The following PTGER3 variants were observed in gnomAD, a reference collection of about 807,000 sequenced individuals.
The protein encoded by PTGER3 is prostaglandin E receptor 3.
Under a neutral mutation model 34.7 loss-of-function variants are expected in PTGER3, and 22 were observed. The ratio of observed to expected loss-of-function variants is 0.63; its 90% CI spans 0.45 to 0.91. The LOEUF (loss-of-function observed/expected upper bound fraction) is 0.91, where lower values mean the gene tolerates loss of function less well. Ranked by LOEUF, PTGER3 falls within the 40% of genes least tolerant of loss-of-function variation. PTGER3 has a pLI of 0.00. For missense variants in PTGER3, 468 were observed against 519.4 expected (o/e 0.90, Z 0.96); for synonymous variants, 241 against 230.1 (o/e 1.05, Z -0.43).
intron 1 of PTGER3, among the ~76,000 whole-genome samples, chr1:71,042,686 T>C (rs796255392): frequency 1.6e-4 from 24 of 152,322 alleles, no homozygotes; most frequent in African/African-American, 5.5e-4. Flanking sequence ...AACAACATTA[T>C]TTCTGAAAAT....
intron 1 of PTGER3, among the ~76,000 whole-genome samples, chr1:71,027,611 C>A (rs753652297): frequency 6.6e-6 from 1 of 152,180 alleles, no homozygotes; most frequent in South Asian, 2.1e-4. Flanking sequence ...TTGACATAGT[C>A]CCCCCGGTTA....
chr1:70,890,004 G>T (rs1257481279), intron 4 of PTGER3, among the ~76,000 whole-genome samples: 3 of 152,006 alleles, frequency 2.0e-5, no homozygotes, highest in Admixed American at 1.3e-4. Flanking sequence ...CATTAAACAT[G>T]CATAAACACT....
Position 71,005,299 on chromosome 1 carries a change from C to G in PTGER3, c.1077+7006G>C, listed in dbSNP as rs1656850872. Among the ~76,000 whole-genome samples, 2 of 152,188 alleles carry G rather than the reference C, an allele frequency of 1.3e-5. 1 individual carries two copies. The highest frequency in any genetic ancestry group is 2.9e-5 in the Non-Finnish European group (2 of 68,042). ...TAGAGCCACACTACCCACAGGACCA[C>G]TAAAGTTTAGTCCATTTGACAGATT... On this transcript the variant is annotated intron_variant, in intron 2 of 3. Transcript: ENST00000306666.
intron 4 of PTGER3, among the ~76,000 whole-genome samples, chr1:70,905,864 A>G (rs935375162): frequency 9.9e-5 from 15 of 152,150 alleles, no homozygotes; most frequent in Non-Finnish European, 2.2e-4. Context: ...GGGAGGGGCC[A>G]GGAGTGGAAT....
intron 4 of PTGER3, among the ~76,000 whole-genome samples, chr1:70,938,209 A>G (rs1649418147): frequency 1.3e-5 from 2 of 152,180 alleles, no homozygotes; most frequent in Admixed American, 1.3e-4. Flanking sequence ...GAGCATCAGA[A>G]GCTAATACAT....
At chr1:71,015,067 T>C (rs751824126) in intron 1 of PTGER3, among the ~76,000 whole-genome samples, 6 of 152,220 alleles carry the variant, frequency 3.9e-5, no homozygotes, top group Non-Finnish European at 7.3e-5. Flanking sequence ...TCCTCCCTCT[T>C]GGCCTTTATT....
At chr1:71,029,756 T>C (rs1304406543) in intron 1 of PTGER3, among the ~76,000 whole-genome samples, 1 of 151,870 alleles carries the variant, frequency 6.6e-6, no homozygotes, top group Non-Finnish European at 1.5e-5. Flanking sequence ...TGAAACCCCA[T>C]CTGTACTAAA....
At chr1:70,857,941 G>T (rs896173500) in intron 4 of PTGER3, among the ~76,000 whole-genome samples, 1 of 152,168 alleles carries the variant, frequency 6.6e-6, no homozygotes, top group East Asian at 1.9e-4. Flanking sequence ...CCAGTTTACT[G>T]GGAATAATTT....
intron 4 of PTGER3, among the ~76,000 whole-genome samples, chr1:70,913,392 TA>T (rs1647103076): frequency 6.6e-6 from 1 of 152,002 alleles, no homozygotes; most frequent in Non-Finnish European, 1.5e-5. Flanking sequence ...AGCAGGTTTT[TA>T]AAAATTCTTG....
intron 2 of PTGER3, among the ~76,000 whole-genome samples, chr1:70,962,331 C>G (rs1190172062): frequency 6.6e-6 from 1 of 152,108 alleles, no homozygotes; most frequent in Non-Finnish European, 1.5e-5. Context: ...AACAATCATC[C>G]TTAGTTTTGT....
chr1:70,975,911 C>T (rs1027306443), intron 2 of PTGER3, among the ~76,000 whole-genome samples: 3 of 152,060 alleles, frequency 2.0e-5, no homozygotes, highest in African/African-American at 2.4e-5. Context: ...TGCTAAAGAA[C>T]GATCTGGTTA....
At chr1:70,895,614 C>A (rs572012349) in intron 4 of PTGER3, among the ~76,000 whole-genome samples, 27 of 152,324 alleles carry the variant, frequency 1.8e-4, no homozygotes, top group South Asian at 4.2e-4. Flanking sequence ...ATGCCTGGCT[C>A]AGTCCCTGAT....
At chr1:71,034,421 T>C (rs1347195406) in intron 1 of PTGER3, among the ~76,000 whole-genome samples, 1 of 152,210 alleles carries the variant, frequency 6.6e-6, no homozygotes, top group African/African-American at 2.4e-5. Flanking sequence ...TTGCCATATT[T>C]ACCAAAGTAC....
At chr1:70,883,769 C>T (rs765176420) in intron 4 of PTGER3, among the ~76,000 whole-genome samples, 16 of 152,132 alleles carry the variant, frequency 1.1e-4, no homozygotes, top group African/African-American at 2.4e-4. Context: ...TATCATTAAA[C>T]GATCAGAACA....
rs1425302068 is a variant in PTGER3 at position 70,920,156 on chromosome 1, GGTGACAAGGTGAAATGAAGAATATGA to G, written c.*23+33581_*23+33606del. ...GTCACAAACTTTTCAGAAGAATATG[GGTGACAAGGTGAAATGAAGAATATGA>G]GTGACAAGGTGAAATGAATGTTCAA... On this transcript the variant is annotated intron_variant, in intron 4 of 4. Transcript: ENST00000370931. Among the ~76,000 whole-genome samples the G allele has an allele frequency of 3.3e-5, 5 of 152,226 alleles. No individual in the cohort carries two copies. In the East Asian group the frequency reaches 7.7e-4, roughly 24 times the overall value.
chr1:71,037,843 T>G (rs916048171), intron 1 of PTGER3, among the ~76,000 whole-genome samples: 1 of 152,236 alleles, frequency 6.6e-6, no homozygotes, highest in Non-Finnish European at 1.5e-5. Context: ...AACTTTCTTC[T>G]GTTCTTCTTA....
chr1:71,008,009 T>A lies in PTGER3; in HGVS notation c.1077+4296A>T, dbSNP rs1293232936. On this transcript the variant is annotated intron_variant, in intron 2 of 3. Transcript: ENST00000306666. Reference sequence around the variant, plus strand: ...AAAGCAGACTTACTACACAACAGATTCTGATCTGTTTCACATATTAGGCTA... The same window carrying A: ...AAAGCAGACTTACTACACAACAGATACTGATCTGTTTCACATATTAGGCTA... The A allele has an allele frequency of 4.1e-6, 4 of 985,030 alleles. No homozygotes were observed. The African/African-American group carries it at 7.0e-5, about 17-fold the overall frequency. 61.0% of individuals were successfully genotyped at this position (985,030 alleles called of 1,614,324 possible).
intron 2 of PTGER3, chr1:71,010,796 C>T: frequency 3.0e-6 from 3 of 985,038 alleles, no homozygotes; most frequent in Non-Finnish European, 3.6e-6. Context: ...TTGACATGGT[C>T]ATTTAAAATA....
At chr1:70,991,861 C>A (rs989706148) in intron 2 of PTGER3, among the ~76,000 whole-genome samples, 1 of 152,044 alleles carries the variant, frequency 6.6e-6, no homozygotes, top group Admixed American at 6.6e-5. Context: ...CTAAGAAGGG[C>A]CTTTTGTGTC....
Sources: gnomAD v4.1 joint callset for allele counts (sites outside exome capture counted in the v4.1 genomes callset) on GRCh38, gnomAD v4.1.1 for gene constraint, MANE v1.5 for transcripts, NCBI Gene and HGNC (gene_info 2026-07-23, HGNC 2026-07-21) for gene names.